Variants in CCDC150 observed in about 807,000 individuals in gnomAD.
The protein encoded by CCDC150 is coiled-coil domain-containing protein 150.
In CCDC150, 151 loss-of-function variants were observed where a neutral mutation model predicts 156.5. That is an observed-to-expected ratio of 0.97 (90% CI 0.85 to 1.10). The LOEUF (loss-of-function observed/expected upper bound fraction) is 1.10. Among genes scored for constraint, CCDC150 ranks in the 50% least tolerant of loss-of-function variants. CCDC150 has a pLI of 0.00. For synonymous variants in CCDC150, 452 were observed against 429.4 expected (o/e 1.05, Z -0.65); for missense variants, 1,312 against 1,268.1 (o/e 1.03, Z -0.53).
intron 22 of CCDC150, chr2:196,726,470 T>C (rs891970775): frequency 1.6e-5 from 3 of 183,000 alleles, no homozygotes; most frequent in African/African-American, 7.0e-5. Flanking sequence ...GTAGAAGATA[T>C]GGTCCATGCC....
At chr2:196,727,613 A>G (rs1054539198) in intron 22 of CCDC150, 2 of 152,224 alleles carry the variant, frequency 1.3e-5, no homozygotes, top group Non-Finnish European at 2.9e-5. Context: ...AAAGCACTAT[A>G]TAAATACAAA....
chr2:196,715,949 A>G (rs757036308), intron 17 of CCDC150, among the ~76,000 whole-genome samples: 1 of 152,204 alleles, frequency 6.6e-6, no homozygotes, highest in Non-Finnish European at 1.5e-5. Flanking sequence ...ATTATTTGCA[A>G]ATCACATATC....
At chr2:196,681,074 CA>C (rs1401184389) in intron 13 of CCDC150, among the ~76,000 whole-genome samples, 1 of 152,148 alleles carries the variant, frequency 6.6e-6, no homozygotes, top group Non-Finnish European at 1.5e-5. Flanking sequence ...TTCATCACCC[CA>C]AAAGGAAACC....
chr2:196,728,900 T>C (rs1698367827), intron 22 of CCDC150, among the ~76,000 whole-genome samples: 1 of 152,248 alleles, frequency 6.6e-6, no homozygotes, highest in South Asian at 2.1e-4. Context: ...TAGTAAGTAC[T>C]GAAGCTGATA....
At chr2:196,709,561 G>A (rs982029265) in intron 15 of CCDC150, among the ~76,000 whole-genome samples, 3 of 152,184 alleles carry the variant, frequency 2.0e-5, no homozygotes, top group Admixed American at 2.0e-4. Flanking sequence ...GTGAGGAGCT[G>A]TGATCCTTTG....
chr2:196,719,258 C>A, intron 18 of CCDC150: 1 of 343,262 alleles, frequency 2.9e-6, no homozygotes. Flanking sequence ...TATGCTGTAA[C>A]ATGACCACAG....
At chr2:196,641,904 C>A (rs1346262379) in intron 1 of CCDC150, among the ~76,000 whole-genome samples, 2 of 152,114 alleles carry the variant, frequency 1.3e-5, no homozygotes, top group African/African-American at 2.4e-5. Context: ...AGCCTGTGTC[C>A]ACAGAAGCAT....
intron 13 of CCDC150, among the ~76,000 whole-genome samples, chr2:196,691,956 A>G (rs1695507267): frequency 6.6e-6 from 1 of 151,912 alleles, no homozygotes; most frequent in South Asian, 2.1e-4. Context: ...CAAAACAAAA[A>G]CAGCTCCTGG....
At chr2:196,718,414 A>G in intron 17 of CCDC150, 89 bp from the exon 18 acceptor site, 1 of 1,038,112 alleles carries the variant, frequency 9.6e-7, no homozygotes, top group Non-Finnish European at 1.4e-6. Context: ...AAATATATTT[A>G]AACATTTAAA....
intron 13 of CCDC150, among the ~76,000 whole-genome samples, chr2:196,685,731 C>T (rs4850724): frequency 0.76 from 115,788 of 151,676 alleles, 44,299 homozygotes; most frequent in East Asian, 0.82. Context: ...CCTGCCTCAG[C>T]CTCCCAAGTA....
At chr2:196,731,028 C>A in intron 26 of CCDC150, 83 bp downstream of exon 26, 1 of 972,210 alleles carries the variant, frequency 1.0e-6, no homozygotes, top group South Asian at 1.6e-5. Context: ...ATGTGAAATC[C>A]TTCATTAACG....
At chr2:196,702,182 G>C (rs1295872612) in intron 15 of CCDC150, among the ~76,000 whole-genome samples, 1 of 152,146 alleles carries the variant, frequency 6.6e-6, no homozygotes, top group Non-Finnish European at 1.5e-5. Context: ...CCAGGAGTTG[G>C]AGGCTATGGT....
At chr2:196,718,140 A>G (rs921914173) in intron 17 of CCDC150, among the ~76,000 whole-genome samples, 2 of 152,162 alleles carry the variant, frequency 1.3e-5, no homozygotes, top group East Asian at 1.9e-4. Context: ...TTCTAAATAC[A>G]CTATTTAGTA....
Position 196,732,460 on chromosome 2 carries a change from A to G in CCDC150, c.3204A>G (p.Lys1068=), listed in dbSNP as rs765460964. The G allele has an allele frequency of 1.2e-6, 2 of 1,613,002 alleles. No individual in the cohort carries two copies. The highest frequency in any genetic ancestry group is 2.2e-5 in the South Asian group (2 of 91,058). The change falls in exon 28 of 28, where the codon AAA becomes AAG. Residue 1068 remains lysine, a synonymous_variant. Transcript: ENST00000389175. ...DRWQEKDQDV[K]HDVMSNQSVL... Reference sequence around the variant, plus strand: ...CTTTCCAACAGGACCAAGATGTAAAACATGATGTCATGTCCAACCAATCTG... The same window carrying G: ...CTTTCCAACAGGACCAAGATGTAAAGCATGATGTCATGTCCAACCAATCTG...
chr2:196,704,943 G>A lies in CCDC150; in HGVS notation c.1695+3763G>A, dbSNP rs528346125. Among the ~76,000 whole-genome samples, 39 of 152,286 alleles carry A rather than the reference G, an allele frequency of 2.6e-4. No individual in the cohort carries two copies. In the East Asian group the frequency reaches 4.4e-3, roughly 17 times the overall value. On this transcript the variant is annotated intron_variant, in intron 15 of 27. Transcript: ENST00000389175. Reference sequence around the variant, plus strand: ...ATATGTGCCACATTTTCTTAATCCAGTCTATCATCTATGAACATTTTGGGT... The same window carrying A: ...ATATGTGCCACATTTTCTTAATCCAATCTATCATCTATGAACATTTTGGGT...
At chr2:196,704,728 GTGTGA>G (rs1696484513) in intron 15 of CCDC150, among the ~76,000 whole-genome samples, 1 of 152,108 alleles carries the variant, frequency 6.6e-6, no homozygotes, top group Non-Finnish European at 1.5e-5. Context: ...AGGCCCCGGG[GTGTGA>G]TGTTCCCTGC....
At chr2:196,731,544 G>GCAC (rs1698525534) in intron 26 of CCDC150, among the ~76,000 whole-genome samples, 7 of 151,222 alleles carry the variant, frequency 4.6e-5, no homozygotes, top group Non-Finnish European at 7.4e-5. Context: ...GCATGGTGGT[G>GCAC]CACCATGCCC....
intron 14 of CCDC150, among the ~76,000 whole-genome samples, chr2:196,696,050 A>T (rs1279890809): frequency 6.6e-6 from 1 of 152,352 alleles, no homozygotes; most frequent in African/African-American, 2.4e-5. Context: ...ATGAAAAATT[A>T]TACAGACTAA....
At chr2:196,649,930 A>G (rs1692776084) in intron 2 of CCDC150, among the ~76,000 whole-genome samples, 1 of 152,184 alleles carries the variant, frequency 6.6e-6, no homozygotes, top group Non-Finnish European at 1.5e-5. Context: ...GAGATTTTGT[A>G]TGTCTTCAAC....
Sources: gnomAD v4.1 joint callset for allele counts (sites outside exome capture counted in the v4.1 genomes callset) on GRCh38, gnomAD v4.1.1 for gene constraint, MANE v1.5 for transcripts, NCBI Gene and HGNC (gene_info 2026-07-23, HGNC 2026-07-21) for gene names.